Variants in RANGAP1 observed in about 807,000 individuals in gnomAD.
RANGAP1 encodes Ran GTPase activating protein 1.
A neutral mutation model predicts 63.5 loss-of-function variants in RANGAP1; 38 were observed. The ratio of observed to expected loss-of-function variants is 0.60; its 90% CI spans 0.46 to 0.78. The LOEUF (loss-of-function observed/expected upper bound fraction) is 0.78. Ranked by LOEUF, RANGAP1 falls within the 30% of genes least tolerant of loss-of-function variation. The pLI, the probability that RANGAP1 is intolerant of heterozygous loss-of-function variation, is 0.00. For synonymous variants in RANGAP1, 329 were observed against 310.5 expected, an observed-to-expected ratio of 1.06 and a Z score of -0.63; for missense variants, 630 against 740.3, an observed-to-expected ratio of 0.85 and a Z score of 1.73.
intron 2 of RANGAP1, among the ~76,000 whole-genome samples, chr22:41,279,738 G>A (rs529502364): frequency 1.3e-5 from 2 of 149,588 alleles, no homozygotes; most frequent in South Asian, 4.2e-4. Context: ...GGAGACAGAA[G>A]TTGCAATGAG....
intron 15 of RANGAP1, among the ~76,000 whole-genome samples, chr22:41,248,861 C>T (rs1451735283): frequency 1.3e-5 from 2 of 152,218 alleles, no homozygotes; most frequent in African/African-American, 4.8e-5. Context: ...ATGTGTGTCC[C>T]CAGGAGAGGG....
At chr22:41,258,852 A>G (rs1193635262) in intron 6 of RANGAP1, among the ~76,000 whole-genome samples, 1 of 152,046 alleles carries the variant, frequency 6.6e-6, no homozygotes, top group Non-Finnish European at 1.5e-5. Flanking sequence ...TGGAGGTTTC[A>G]CCATGTTGGC....
the RANGAP1 span, among the ~76,000 whole-genome samples, chr22:41,294,313 C>T: frequency 1.2e-4 from 18 of 152,232 alleles, no homozygotes; most frequent in Non-Finnish European, 2.5e-4. Context: ...CTCGGCCTCC[C>T]GAGGTGCCGG....
the RANGAP1 span, among the ~76,000 whole-genome samples, chr22:41,295,672 G>C: frequency 1.4e-5 from 2 of 142,274 alleles, no homozygotes; most frequent in Admixed American, 7.3e-5. Flanking sequence ...CCCCCTCTGC[G>C]AGAAACACCC....
intron 3 of RANGAP1, among the ~76,000 whole-genome samples, chr22:41,268,808 AC>A (rs1202751786): frequency 6.6e-6 from 1 of 151,904 alleles, no homozygotes; most frequent in Non-Finnish European, 1.5e-5. Flanking sequence ...TAATCCCAGC[AC>A]TTTGGGAGGC....
intron 1 of RANGAP1, among the ~76,000 whole-genome samples, chr22:41,284,683 G>A (rs532684172): frequency 1.3e-5 from 2 of 152,264 alleles, no homozygotes; most frequent in African/African-American, 4.8e-5. Context: ...ACCAGCCTGG[G>A]CAGTATGCCG....
At chr22:41,293,547 A>G in the RANGAP1 span, among the ~76,000 whole-genome samples, 4 of 152,008 alleles carry the variant, frequency 2.6e-5, no homozygotes, top group Admixed American at 6.6e-5. Context: ...TGGGAGGCCG[A>G]GGTGGGCGGA....
intron 3 of RANGAP1, among the ~76,000 whole-genome samples, chr22:41,274,059 C>CA (rs2034998768): frequency 6.6e-6 from 1 of 152,192 alleles, no homozygotes; most frequent in African/African-American, 2.4e-5. Flanking sequence ...GCCTGGACGA[C>CA]AGAGTGAGAC....
intron 4 of RANGAP1, among the ~76,000 whole-genome samples, chr22:41,266,046 CA>C (rs2034452179): frequency 6.6e-6 from 1 of 152,028 alleles, no homozygotes; most frequent in African/African-American, 2.4e-5. Flanking sequence ...ACTAAAAATA[CA>C]AAAAATTAGC....
chr22:41,291,271 A>T, the RANGAP1 span, among the ~76,000 whole-genome samples: 21 of 152,252 alleles, frequency 1.4e-4, no homozygotes, highest in East Asian at 3.9e-3. Flanking sequence ...CCCGGTACCA[A>T]ATGGTTTCTG....
intron 10 of RANGAP1, 27 bp downstream of exon 10, chr22:41,255,993 AC>A (rs2033806161): frequency 2.5e-6 from 4 of 1,603,864 alleles, no homozygotes; most frequent in Non-Finnish European, 2.6e-6. Context: ...CCTGACCCCG[AC>A]CTCTGGGGCC....
intron 3 of RANGAP1, among the ~76,000 whole-genome samples, chr22:41,269,744 A>G (rs1232170858): frequency 6.6e-6 from 1 of 152,014 alleles, no homozygotes; most frequent in Non-Finnish European, 1.5e-5. Context: ...TCTCTCAAAA[A>G]AAAAAAAAAA....
Position 41,260,150 on chromosome 22 carries a change from T to A in RANGAP1, c.615+1296A>T, listed in dbSNP as rs191195706. 1.2e-3 allele frequency among the ~76,000 whole-genome samples: 189 copies of A among 152,316 alleles called. 1 individual carries two copies. The highest frequency in any genetic ancestry group is 4.5e-3 in the African/African-American group (186 of 41,554). ...CTACATATTTTAGCTACATTAGTAATAAATAATAATGTTATTTTTTCCTCA... is the reference window on the plus strand; with the variant it reads ...CTACATATTTTAGCTACATTAGTAAAAAATAATAATGTTATTTTTTCCTCA... On this transcript the variant is annotated intron_variant, in intron 6 of 15. Transcript: ENST00000356244.
the RANGAP1 span, among the ~76,000 whole-genome samples, chr22:41,293,383 G>A: frequency 6.6e-6 from 1 of 152,086 alleles, no homozygotes; most frequent in Non-Finnish European, 1.5e-5. Context: ...CTGTGCTTCA[G>A]CCTAGGCAAC....
At chr22:41,285,646 T>A (rs1480724777) in intron 1 of RANGAP1, 2 of 985,176 alleles carry the variant, frequency 2.0e-6, no homozygotes, top group Non-Finnish European at 2.4e-6. Context: ...CCGCAAATGA[T>A]AGGCGGGCGG....
chr22:41,245,432 A>G lies in RANGAP1; in HGVS notation c.*1171T>C, dbSNP rs1214755639. Reference sequence around the variant, plus strand: ...CTGGGTGAGGTGTGGCCAGGCAGGAAAATGGGCCCCCACTCAGGACTGCCA... The same window carrying G: ...CTGGGTGAGGTGTGGCCAGGCAGGAGAATGGGCCCCCACTCAGGACTGCCA... On this transcript the variant is annotated 3_prime_UTR_variant, in exon 16 of 16. Transcript: ENST00000356244. Among the ~76,000 whole-genome samples the G allele has an allele frequency of 6.6e-6, 1 of 152,174 alleles. No individual in the cohort carries two copies. The highest frequency in any genetic ancestry group is 1.5e-5 in the Non-Finnish European group (1 of 68,000).
At chr22:41,297,445 G>A in the RANGAP1 span, among the ~76,000 whole-genome samples, 1 of 151,632 alleles carries the variant, frequency 6.6e-6, no homozygotes, top group Non-Finnish European at 1.5e-5. Context: ...AAATATCTGG[G>A]CACCCTGTGG....
intron 2 of RANGAP1, among the ~76,000 whole-genome samples, chr22:41,275,009 G>A (rs980270661): frequency 1.3e-5 from 2 of 151,998 alleles, no homozygotes; most frequent in Non-Finnish European, 2.9e-5. Flanking sequence ...CCAAGTAGGT[G>A]GTGTGTGTGG....
rs778439935 is a variant in RANGAP1, at chr22:41,254,392, CTCCTCCTCTTCT to C, written c.1164_1175del (p.Glu394_Glu397del). ...GCTGCTGAGGCTCTTCTTCCTCCTC[CTCCTCCTCTTCT>C]TCCTCCTCTTCCTCATCTTCCTCCT... On this transcript the variant is annotated inframe_deletion, in exon 11 of 16. Coordinates refer to ENST00000356244, the MANE Select transcript of RANGAP1 (RefSeq NM_002883.4). 44 of 1,613,950 alleles carry C rather than the reference CTCCTCCTCTTCT, an allele frequency of 2.7e-5. No homozygotes were observed. Among genetic ancestry groups the C allele is most frequent in the South Asian group, 2.1e-4 (19 of 91,072 alleles).
Sources: gnomAD v4.1 joint callset for allele counts (sites outside exome capture counted in the v4.1 genomes callset) on GRCh38, gnomAD v4.1.1 for gene constraint, MANE v1.5 for transcripts, NCBI Gene and HGNC (gene_info 2026-07-23, HGNC 2026-07-21) for gene names.